SYMPK: variants seen among roughly 807,000 people sequenced by gnomAD.
SYMPK encodes the protein symplekin.
SYMPK carries 49 observed loss-of-function variants against 136.4 expected under a neutral mutation model. That is an observed-to-expected ratio of 0.36 (90% CI 0.29 to 0.46). SYMPK has a LOEUF of 0.46. SYMPK is among the 20% of genes least tolerant of loss of function. SYMPK has a pLI of 1.00. For missense variants in SYMPK, 1,365 were observed against 1,690.0 expected, an observed-to-expected ratio of 0.81 and a Z score of 3.37; for synonymous variants, 766 against 713.0, an observed-to-expected ratio of 1.07 and a Z score of -1.19.
chr19:45,828,978 C>T lies in SYMPK; in HGVS notation c.1977G>A (p.Gln659=). The change falls in exon 14 of 27, where the codon CAG becomes CAA. Residue 659 remains glutamine (Q), a synonymous_variant. Transcript: ENST00000245934. ...LLSGLQEKPD[Q]KDGIFTKVVL... is the part of the protein sequence containing the mutation. The stretch of plus-strand genomic sequence containing the variant: ...AGGGTCAGCCCCCTCACCCATCCTT[C>T]TGGTCTGGTTTCTCCTGCAGGCCAG... The T allele has an allele frequency of 1.9e-6, 3 of 1,614,118 alleles. No homozygotes were observed. Among genetic ancestry groups the T allele is most frequent in the Non-Finnish European group, 2.5e-6 (3 of 1,180,004 alleles).
intron 18 of SYMPK, 25 bp downstream of exon 18, chr19:45,825,146 G>T (rs1971010120): frequency 2.5e-6 from 4 of 1,605,738 alleles, no homozygotes; most frequent in Non-Finnish European, 2.6e-6. Flanking sequence ...GGGTGGGCAG[G>T]GCCTGGTGGG....
At chr19:45,860,075 G>T (rs76404967) in intron 1 of SYMPK, among the ~76,000 whole-genome samples, 19,570 of 150,524 alleles carry the variant, frequency 0.13, 1,352 homozygotes, top group South Asian at 0.17. Flanking sequence ...AAGTATGATT[G>T]GGCCACCGTA....
intron 14 of SYMPK, 56 bp from the exon 15 acceptor site, chr19:45,827,974 G>A (rs1259791525): frequency 1.0e-5 from 16 of 1,547,156 alleles, no homozygotes; most frequent in African/African-American, 4.1e-5. Context: ...CCTGGCTCCC[G>A]GGCCCTGCTG....
intron 5 of SYMPK, among the ~76,000 whole-genome samples, chr19:45,850,092 A>C (rs980799535): frequency 6.6e-6 from 1 of 152,038 alleles, no homozygotes; most frequent in African/African-American, 2.4e-5. Flanking sequence ...AACAGAAAAC[A>C]AAATTAGCTG....
chr19:45,855,932 T>C (rs1286994399), intron 1 of SYMPK: 2 of 152,008 alleles, frequency 1.3e-5, no homozygotes, highest in Non-Finnish European at 2.9e-5. Context: ...ATCGGGCCAC[T>C]GCCCTCCAGC....
intron 10 of SYMPK, among the ~76,000 whole-genome samples, chr19:45,835,471 T>C (rs918490): frequency 0.75 from 113,887 of 152,140 alleles, 43,648 homozygotes; most frequent in African/African-American, 0.92. Flanking sequence ...GGGCTCCCTG[T>C]GCAAGAAGCA....
intron 24 of SYMPK, 109 bp downstream of exon 24, chr19:45,816,689 C>CTTATTTTTTTTTT: frequency 6.6e-7 from 1 of 1,515,358 alleles, no homozygotes; most frequent in Non-Finnish European, 8.8e-7. Context: ...AGTGCAGGGC[C>CTTATTTTTTTTTT]TTCTTGTGTC....
intron 20 of SYMPK, among the ~76,000 whole-genome samples, chr19:45,823,096 G>A (rs1000183332): frequency 6.6e-6 from 1 of 152,216 alleles, no homozygotes; most frequent in Non-Finnish European, 1.5e-5. Flanking sequence ...GGAGAAAAGC[G>A]AGTCTCAAAG....
Position 45,815,934 on chromosome 19 carries a change from C to T in SYMPK, c.3604G>A (p.Gly1202Ser). The T allele has an allele frequency of 6.2e-7, 1 of 1,611,910 alleles. No homozygotes were observed. The highest frequency in any genetic ancestry group is 1.1e-5 in the South Asian group (1 of 90,808). Residue 1202 changes from glycine to serine, a missense_variant, in exon 26 of 27, where the codon GGC (glycine) becomes AGC (serine). Around this residue, in one of 11 missense-constraint regions of SYMPK, gnomAD observed 341 missense variants for 270.5 expected, o/e 1.26. Coordinates refer to ENST00000245934, the MANE Select transcript of SYMPK (RefSeq NM_004819.3). ...REEGPECETP[G>S]IFISMDDDSG... ...TCGTCATCCATGCTGATGAAGATGC[C>T]CGGGGTCTCGCACTCAGGCCCCTCC... is the stretch of plus-strand genomic sequence containing the variant.
chr19:45,821,498 G>A lies in SYMPK; in HGVS notation c.2792-13C>T. On this transcript the variant is annotated splice_polypyrimidine_tract_variant and intron_variant, in intron 21 of 26. Coordinates refer to ENST00000245934, the MANE Select transcript of SYMPK (RefSeq NM_004819.3). The surrounding 1 kb of genome is among the most constrained non-coding windows in gnomAD (Gnocchi z 4.4). ...GAGTTTCCCTCACCTGCAGCAGGCG[G>A]GAGGAAGGGTGGGGGAAGACAGTGC... The A allele has an allele frequency of 1.3e-6, 2 of 1,598,682 alleles. No individual in the cohort carries two copies. Among genetic ancestry groups the A allele is most frequent in the Non-Finnish European group, 1.7e-6 (2 of 1,166,234 alleles).
At position 45,816,031 on chromosome 19, in the gene SYMPK, AGAG is replaced by A; in HGVS notation, c.3504_3506del (p.Ser1171del). 6.3e-7 allele frequency: 1 copy of A among 1,585,098 alleles called. No homozygotes were observed. Among genetic ancestry groups the A allele is most frequent in the Non-Finnish European group, 8.6e-7 (1 of 1,165,424 alleles). On this transcript the variant is annotated inframe_deletion, in exon 26 of 27. Transcript: ENST00000245934. ...CCGACGGAGAGGGAGAGGGGGAGGA[AGAG>A]GAGGGGGCTCCCACTCCTCCCGGCT...
chr19:45,849,902 G>T, intron 5 of SYMPK, among the ~76,000 whole-genome samples: 1 of 151,964 alleles, frequency 6.6e-6, no homozygotes, highest in East Asian at 1.9e-4. Context: ...AAAATTGGCC[G>T]GGCATGGTGG....
chr19:45,854,779 C>T (rs548250371), intron 1 of SYMPK: 5 of 460,546 alleles, frequency 1.1e-5, no homozygotes, highest in African/African-American at 9.8e-5. Flanking sequence ...AGCTGCTGAA[C>T]GATGGGCCAC....
chr19:45,862,097 C>T (rs1376739113), intron 1 of SYMPK: 1 of 151,902 alleles, frequency 6.6e-6, no homozygotes, highest in East Asian at 1.9e-4. Flanking sequence ...CTTGTTTTCC[C>T]TTAATATATG....
chr19:45,863,050 C>A lies in SYMPK; in HGVS notation c.-13+8G>T. On this transcript the variant is annotated splice_region_variant and intron_variant, in intron 1 of 26. Coordinates refer to ENST00000245934, the MANE Select transcript of SYMPK (RefSeq NM_004819.3). Reference sequence around the variant, plus strand: ...CGTCTCCGGGCCCAAACGCCGCCTCCCGCTCACCGCAGCTCTGGCCTCCGT... The same window carrying A: ...CGTCTCCGGGCCCAAACGCCGCCTCACGCTCACCGCAGCTCTGGCCTCCGT... 2.5e-6 allele frequency: 1 copy of A among 401,514 alleles called. No individual in the cohort carries two copies. The highest frequency in any genetic ancestry group is 4.4e-6 in the Non-Finnish European group (1 of 226,660). The allele number at this position is 401,514 out of a possible 1,614,324, so 24.9% of individuals were successfully genotyped here.
In SYMPK at chr19:45,826,391, G is replaced by A. The variant is rs1390621372; in HGVS notation, c.2182-18C>T. ...GAGCGCACCTGAGGAGGAAGATGGAGAAGGGCAGGGTCAGGGAAGAGGTAA... is the reference window on the plus strand; with the variant it reads ...GAGCGCACCTGAGGAGGAAGATGGAAAAGGGCAGGGTCAGGGAAGAGGTAA... On this transcript the variant is annotated intron_variant, in intron 16 of 26. Transcript: ENST00000245934. 6.2e-7 allele frequency: 1 copy of A among 1,613,696 alleles called. No individual in the cohort carries two copies. Among genetic ancestry groups the A allele is most frequent in the Admixed American group, 1.7e-5 (1 of 60,016 alleles).
In SYMPK at chr19:45,825,304, G is replaced by A; in HGVS notation, c.2357C>T (p.Thr786Ile). ...GTAGAGGTACAGACACTGCTTCACT[G>A]TCTCCTCCGTCCAGGGTGCTGCCAC... ...TEVAAPWTEETVKQCLYLYLA... is the reference protein window; with the variant it reads ...TEVAAPWTEEIVKQCLYLYLA... The change falls in exon 18 of 27, where the codon ACA (threonine) becomes ATA (isoleucine). Residue 786 changes from threonine to isoleucine, a missense_variant. Around this residue, in one of 11 missense-constraint regions of SYMPK, gnomAD observed 92 missense variants for 198.6 expected, o/e 0.46. Coordinates refer to ENST00000245934, the MANE Select transcript of SYMPK (RefSeq NM_004819.3). 6.2e-7 allele frequency: 1 copy of A among 1,614,066 alleles called. No homozygotes were observed. Among genetic ancestry groups the A allele is most frequent in the Non-Finnish European group, 8.5e-7 (1 of 1,179,976 alleles).
intron 7 of SYMPK, among the ~76,000 whole-genome samples, chr19:45,846,540 T>C (rs550194021): frequency 2.6e-5 from 4 of 152,204 alleles, no homozygotes; most frequent in East Asian, 3.9e-4. Context: ...CAAGGGAAAA[T>C]AGGCTGTGTG....
rs565701672 is a variant in SYMPK, at chr19:45,841,361, C to T, written c.1087+889G>A. Among the ~76,000 whole-genome samples the T allele has an allele frequency of 3.3e-5, 5 of 150,922 alleles. No homozygotes were observed. The East Asian group carries it at 7.8e-4, about 24-fold the overall frequency. On this transcript the variant is annotated intron_variant, in intron 9 of 26. Transcript: ENST00000245934. ...AGACTGGAGTGCAATGGCATGATCTCGGCTTACTGCAACTTCTGCCTCCTG... is the reference window on the plus strand; with the variant it reads ...AGACTGGAGTGCAATGGCATGATCTTGGCTTACTGCAACTTCTGCCTCCTG...
Sources: allele counts gnomAD v4.1 joint callset (sites outside exome capture counted in the v4.1 genomes callset), GRCh38; gene constraint gnomAD v4.1.1; regional missense constraint gnomAD v4.1.1; non-coding constraint Gnocchi (gnomAD v3.1); transcripts MANE v1.5; gene names NCBI Gene and HGNC (gene_info 2026-07-23, HGNC 2026-07-21).